The following MICAL3 variants were observed in gnomAD, a reference collection of about 807,000 sequenced individuals.
The protein encoded by MICAL3 is microtubule associated monooxygenase, calponin and LIM domain containing 3.
Under a neutral mutation model 207.4 loss-of-function variants are expected in MICAL3, and 62 were observed. The observed-to-expected ratio is 0.30, with a 90% CI of 0.24 to 0.37. The LOEUF (loss-of-function observed/expected upper bound fraction) is 0.37. Ranked by LOEUF, MICAL3 falls within the 10% of genes least tolerant of loss-of-function variation. The pLI, the probability that MICAL3 is intolerant of heterozygous loss-of-function variation, is 1.00. For synonymous variants in MICAL3, 1,077 were observed against 1,069.3 expected (o/e 1.01, Z -0.14); for missense variants, 2,368 against 2,635.6 (o/e 0.90, Z 2.22).
At chr22:17,810,207 C>A (rs1037925614) in intron 28 of MICAL3, among the ~76,000 whole-genome samples, 2 of 152,010 alleles carry the variant, frequency 1.3e-5, no homozygotes, top group Non-Finnish European at 2.9e-5. Flanking sequence ...GGACTACAGG[C>A]ACTTGCCACC....
rs375159055 is a variant in MICAL3 at position 17,891,675 on chromosome 22, G to A, written c.1547-43C>T. Reference sequence around the variant, plus strand: ...AGTATTATTGGAGGTGTGGTCACCTGGTAATGCTGACAGAGAATCCTCTTT... The same window carrying A: ...AGTATTATTGGAGGTGTGGTCACCTAGTAATGCTGACAGAGAATCCTCTTT... On this transcript the variant is annotated intron_variant, in intron 11 of 31. Transcript: ENST00000441493. 21 of 1,592,996 alleles carry A rather than the reference G, an allele frequency of 1.3e-5. No homozygotes were observed. In the African/African-American group the frequency reaches 2.8e-4, roughly 21 times the overall value.
intron 29 of MICAL3, among the ~76,000 whole-genome samples, chr22:17,798,659 T>A (rs947279053): frequency 2.6e-5 from 4 of 151,016 alleles, no homozygotes; most frequent in Admixed American, 2.6e-4. Context: ...TGATAAATAG[T>A]GTTGGAGCAA....
intron 1 of MICAL3, among the ~76,000 whole-genome samples, chr22:17,961,721 C>T (rs970113154): frequency 6.6e-6 from 1 of 152,190 alleles, no homozygotes; most frequent in Admixed American, 6.5e-5. Context: ...GAGAACAAGG[C>T]CTGCACCCCT....
At chr22:17,980,952 T>C (rs756427286) in intron 1 of MICAL3, 21 of 527,642 alleles carry the variant, frequency 4.0e-5, no homozygotes, top group South Asian at 2.8e-4. Context: ...CACTTGGAGG[T>C]GTCTGTGATC....
Position 17,902,584 on chromosome 22 carries a change from C to T in MICAL3, c.589+47G>A, listed in dbSNP as rs1325000354. ...GCTCCCTCAATCTCATCTTCCTCAC[C>T]CATCAACACCCTCTCACGCCTTCTT... is the stretch of plus-strand genomic sequence containing the variant. On this transcript the variant is annotated intron_variant, in intron 4 of 31. Coordinates refer to ENST00000441493, the MANE Select transcript of MICAL3 (RefSeq NM_015241.3). The surrounding 1 kb of genome is among the most constrained non-coding windows in gnomAD (Gnocchi z 4.5). 1.4e-5 allele frequency: 16 copies of T among 1,149,092 alleles called. No individual in the cohort carries two copies. Among genetic ancestry groups the T allele is most frequent in the African/African-American group, 3.1e-5 (2 of 65,408 alleles). The allele number at this position is 1,149,092 out of a possible 1,614,324, so 71.2% of individuals were successfully genotyped here.
intron 27 of MICAL3, chr22:17,812,507 C>T (rs889635315): frequency 2.0e-6 from 2 of 985,690 alleles, no homozygotes; most frequent in Non-Finnish European, 2.4e-6. Context: ...GAGACACTAC[C>T]TTTGATGCAC....
chr22:17,820,272 T>C lies in MICAL3; in HGVS notation c.3532-1143A>G, dbSNP rs778426049. Among the ~76,000 whole-genome samples, 156 of 152,294 alleles carry C rather than the reference T, an allele frequency of 1.0e-3. 1 individual carries two copies. The highest frequency in any genetic ancestry group is 3.5e-3 in the African/African-American group (144 of 41,568). The stretch of plus-strand genomic sequence containing the variant: ...CCTGCAGACAGTATTTCCCAAACCA[T>C]GTTCCACAGGACCTGCTGTCACAGT... On this transcript the variant is annotated intron_variant, in intron 25 of 31. Transcript: ENST00000441493.
chr22:17,886,082 G>T, intron 15 of MICAL3, 31 bp from the exon 16 acceptor site: 1 of 1,610,226 alleles, frequency 6.2e-7, no homozygotes. Context: ...AGAACCCGGC[G>T]CTGTGACAGG....
At chr22:17,926,697 A>G (rs1463841621) in intron 1 of MICAL3, among the ~76,000 whole-genome samples, 1 of 152,218 alleles carries the variant, frequency 6.6e-6, no homozygotes, top group African/African-American at 2.4e-5. Flanking sequence ...TTCCCACTGC[A>G]AAAGGCCGGA....
intron 5 of MICAL3, 51 bp downstream of exon 5, chr22:17,901,827 G>GC: frequency 7.1e-7 from 1 of 1,417,196 alleles, no homozygotes; most frequent in Non-Finnish European, 9.9e-7. Flanking sequence ...AGGTAGGATA[G>GC]CATCAGCTTT....
At chr22:17,979,873 T>C (rs1935830756) in intron 1 of MICAL3, among the ~76,000 whole-genome samples, 1 of 152,154 alleles carries the variant, frequency 6.6e-6, no homozygotes, top group African/African-American at 2.4e-5. Context: ...CTTTGTCACC[T>C]AGGCCGGAGT....
intron 1 of MICAL3, among the ~76,000 whole-genome samples, chr22:17,958,696 G>GTTTTTTTTTTTTTTTTTTTTTTTT (rs1569147160): frequency 7.9e-6 from 1 of 126,354 alleles, no homozygotes; most frequent in Non-Finnish European, 1.6e-5. Context: ...TGAGTTGTTG[G>GTTTTTTTTTTTTTTTTTTTTTTTT]GTTTTTTTAT....
intron 19 of MICAL3, chr22:17,864,138 C>T: frequency 2.0e-6 from 2 of 987,472 alleles, no homozygotes; most frequent in Non-Finnish European, 1.2e-6. Flanking sequence ...ATAATTCTTC[C>T]CAACAGGCCT....
At chr22:17,911,445 C>T (rs192818458) in intron 1 of MICAL3, among the ~76,000 whole-genome samples, 2 of 152,186 alleles carry the variant, frequency 1.3e-5, no homozygotes, top group Admixed American at 6.5e-5. Flanking sequence ...CACCAGCGAA[C>T]GTGCAAATTT....
In MICAL3 at chr22:17,790,791, C is replaced by T. The variant is rs1480491368; in HGVS notation, c.5950G>A (p.Glu1984Lys). The change falls in exon 32 of 32, where the codon GAG becomes AAG. Residue 1984 changes from glutamate (E) to lysine (K), a missense_variant. Physicochemically the swap from Glu to Lys is moderately conservative, Grantham distance 56. Coordinates refer to ENST00000441493, the MANE Select transcript of MICAL3 (RefSeq NM_015241.3). ...LEEQRLRERE[E>K]DKDLEAAMLS... ...ATGGCAGCCTCCAGGTCCTTGTCCT[C>T]CTCTCTCTCCCGGAGCCGCTGCTCC... The T allele has an allele frequency of 6.2e-7, 1 of 1,612,910 alleles. No homozygotes were observed. Among genetic ancestry groups the T allele is most frequent in the Non-Finnish European group, 8.5e-7 (1 of 1,179,604 alleles).
intron 20 of MICAL3, chr22:17,834,476 G>A: frequency 7.8e-7 from 1 of 1,275,550 alleles, no homozygotes; most frequent in Middle Eastern, 3.3e-4. Context: ...AGCACTGTGG[G>A]AGGCTGAGGT....
chr22:17,860,591 G>A (rs991955888), intron 19 of MICAL3: 13 of 985,404 alleles, frequency 1.3e-5, no homozygotes, highest in Middle Eastern at 1.0e-3. Context: ...GAAAAGAGCT[G>A]AAGATGCACT....
At chr22:18,017,783 C>T (rs113307912) in intron 1 of MICAL3, among the ~76,000 whole-genome samples, 1 of 148,204 alleles carries the variant, frequency 6.7e-6, no homozygotes, top group Non-Finnish European at 1.5e-5. Context: ...TGGAGTCTTG[C>T]TCTGTCACCC....
chr22:17,939,001 A>C (rs1658094082), intron 1 of MICAL3, among the ~76,000 whole-genome samples: 1 of 152,178 alleles, frequency 6.6e-6, no homozygotes, highest in African/African-American at 2.4e-5. Context: ...CCAATGTGGC[A>C]GTATGGAGAG....
Sources: gnomAD v4.1 joint callset for allele counts (sites outside exome capture counted in the v4.1 genomes callset) on GRCh38, gnomAD v4.1.1 for gene constraint, Gnocchi (gnomAD v3.1) non-coding constraint, MANE v1.5 for transcripts, NCBI Gene and HGNC (gene_info 2026-07-23, HGNC 2026-07-21) for gene names.